CNTNAP2: variants seen among roughly 807,000 people sequenced by gnomAD.
The protein encoded by CNTNAP2 is contactin-associated protein-like 2.
Under a neutral mutation model 155.2 loss-of-function variants are expected in CNTNAP2, and 98 were observed. The observed-to-expected ratio is 0.63, with a 90% CI of 0.54 to 0.75. The LOEUF (loss-of-function observed/expected upper bound fraction) is 0.75, where lower values mean the gene tolerates loss of function less well. Ranked by LOEUF, CNTNAP2 falls within the 30% of genes least tolerant of loss-of-function variation. The pLI is 0.00. For synonymous variants in CNTNAP2, 651 were observed against 631.2 expected, an observed-to-expected ratio of 1.03 and a Z score of -0.47; for missense variants, 1,727 against 1,688.1, an observed-to-expected ratio of 1.02 and a Z score of -0.40.
At chr7:146,511,037 C>G (rs2129135274) in intron 1 of CNTNAP2, among the ~76,000 whole-genome samples, 1 of 152,228 alleles carries the variant, frequency 6.6e-6, no homozygotes, top group African/African-American at 2.4e-5. Context: ...GCTGGGACCA[C>G]AGGTGCCCAT....
intron 10 of CNTNAP2, among the ~76,000 whole-genome samples, chr7:147,427,858 C>A (rs1416773626): frequency 6.6e-6 from 1 of 152,042 alleles, no homozygotes; most frequent in East Asian, 1.9e-4. Flanking sequence ...AGACATACCC[C>A]AACTGTTTGT....
At chr7:147,073,349 C>T (rs10272523) in intron 4 of CNTNAP2, among the ~76,000 whole-genome samples, 80,717 of 150,174 alleles carry the variant, frequency 0.54, 25,137 homozygotes, top group East Asian at 0.74. Context: ...TGTATGTTCT[C>T]GCTTGTAAGT....
chr7:148,362,731 C>T (rs1798649400), intron 21 of CNTNAP2, among the ~76,000 whole-genome samples: 1 of 152,188 alleles, frequency 6.6e-6, no homozygotes, highest in African/African-American at 2.4e-5. Flanking sequence ...TAATAGGAAG[C>T]TTGAAAGCAA....
chr7:146,779,818 T>C (rs958255364), intron 2 of CNTNAP2, among the ~76,000 whole-genome samples: 2 of 152,220 alleles, frequency 1.3e-5, no homozygotes, highest in African/African-American at 4.8e-5. Context: ...AGTTTTCCTC[T>C]ATTTCCTTCA....
intron 15 of CNTNAP2, among the ~76,000 whole-genome samples, chr7:147,994,536 T>A (rs1309169391): frequency 6.6e-6 from 1 of 152,102 alleles, no homozygotes; most frequent in African/African-American, 2.4e-5. Context: ...TGGGGACAGG[T>A]CTTTCCAGCA....
intron 3 of CNTNAP2, among the ~76,000 whole-genome samples, chr7:146,955,693 C>T (rs1037027401): frequency 6.6e-6 from 1 of 151,926 alleles, no homozygotes; most frequent in African/African-American, 2.4e-5. Flanking sequence ...TTTTAAAATG[C>T]ATTACTCCTA....
At chr7:146,630,858 G>A (rs1799499105) in intron 1 of CNTNAP2, among the ~76,000 whole-genome samples, 1 of 151,994 alleles carries the variant, frequency 6.6e-6, no homozygotes, top group African/African-American at 2.4e-5. Context: ...AAAGGGATGT[G>A]AAAGACCTCT....
chr7:148,354,612 C>CG (rs1798480928), intron 21 of CNTNAP2, among the ~76,000 whole-genome samples: 1 of 151,848 alleles, frequency 6.6e-6, no homozygotes, highest in South Asian at 2.1e-4. Context: ...AGGGGGCGAC[C>CG]GGGAGGAAGC....
chr7:147,299,074 T>C (rs1395124103), intron 8 of CNTNAP2, among the ~76,000 whole-genome samples: 1 of 152,180 alleles, frequency 6.6e-6, no homozygotes, highest in Non-Finnish European at 1.5e-5. Flanking sequence ...TCATGTAACT[T>C]CTACCTGTGG....
intron 21 of CNTNAP2, among the ~76,000 whole-genome samples, chr7:148,366,068 GCATGTATGTGTGTGCATGTATA>G (rs1798759806): frequency 0.019 from 10 of 524 alleles, 5 homozygotes; most frequent in African/African-American, 0.021. Context: ...ATGCATGTAT[GCATGTATGTGTGTGCATGTATA>G]CATGTATGTG....
At chr7:147,362,126 A>C (rs918650258) in intron 9 of CNTNAP2, among the ~76,000 whole-genome samples, 1 of 152,262 alleles carries the variant, frequency 6.6e-6, no homozygotes, top group African/African-American at 2.4e-5. Flanking sequence ...TCAGTAAAGG[A>C]GTAAGCTTTG....
chr7:147,850,244 C>T (rs534337630), intron 13 of CNTNAP2, among the ~76,000 whole-genome samples: 8 of 152,142 alleles, frequency 5.3e-5, no homozygotes, highest in Admixed American at 1.3e-4. Flanking sequence ...GAACTACAAA[C>T]CACTGCTCAG....
chr7:148,226,266 T>C (rs1409616987), intron 19 of CNTNAP2, among the ~76,000 whole-genome samples: 2 of 152,074 alleles, frequency 1.3e-5, no homozygotes, highest in African/African-American at 4.8e-5. Flanking sequence ...GGTATGAATG[T>C]GGTGTCTGAT....
intron 1 of CNTNAP2, among the ~76,000 whole-genome samples, chr7:146,526,349 T>G (rs918789549): frequency 1.3e-5 from 2 of 152,332 alleles, no homozygotes; most frequent in Non-Finnish European, 1.5e-5. Context: ...CAGTTCTTCA[T>G]GCTTTACAGG....
At chr7:147,276,950 G>A (rs1804909016) in intron 8 of CNTNAP2, among the ~76,000 whole-genome samples, 2 of 152,008 alleles carry the variant, frequency 1.3e-5, no homozygotes, top group African/African-American at 4.8e-5. Flanking sequence ...AGAGTTGTCA[G>A]TAGTGACAAT....
chr7:147,007,705 C>A (rs1283112374), intron 3 of CNTNAP2, among the ~76,000 whole-genome samples: 1 of 151,784 alleles, frequency 6.6e-6, no homozygotes, highest in Non-Finnish European at 1.5e-5. Flanking sequence ...ATTCAGCTTT[C>A]ATAAAATTAA....
intron 14 of CNTNAP2, among the ~76,000 whole-genome samples, chr7:147,961,438 G>A (rs541966174): frequency 6.6e-6 from 1 of 152,256 alleles, no homozygotes; most frequent in African/African-American, 2.4e-5. Context: ...GATATACGTG[G>A]AGAAGGAAGT....
chr7:146,611,558 G>A (rs1162939348), intron 1 of CNTNAP2, among the ~76,000 whole-genome samples: 2 of 151,904 alleles, frequency 1.3e-5, no homozygotes, highest in Non-Finnish European at 2.9e-5. Flanking sequence ...TATATCTGAG[G>A]GCAAAAAGGC....
intron 4 of CNTNAP2, among the ~76,000 whole-genome samples, chr7:147,090,895 A>T (rs762646073): frequency 1.3e-5 from 2 of 152,192 alleles, no homozygotes; most frequent in Non-Finnish European, 2.9e-5. Flanking sequence ...AGTCCAATTC[A>T]TAATGTGCTA....
Sources: allele counts gnomAD v4.1 joint callset (sites outside exome capture counted in the v4.1 genomes callset), GRCh38; gene constraint gnomAD v4.1.1; transcripts MANE v1.5; gene names NCBI Gene and HGNC (gene_info 2026-07-23, HGNC 2026-07-21).